Variants in GCC2 observed in about 807,000 individuals in gnomAD.
GCC2 encodes the protein GRIP and coiled-coil domain containing 2.
Under a neutral mutation model 210.6 loss-of-function variants are expected in GCC2, and 120 were observed. That is an observed-to-expected ratio of 0.57 (90% CI 0.49 to 0.66). The LOEUF (loss-of-function observed/expected upper bound fraction) is 0.66, where lower values mean the gene tolerates loss of function less well. Among genes scored for constraint, GCC2 ranks in the 30% least tolerant of loss-of-function variants. The probability of loss-of-function intolerance (pLI) is 0.00; values close to 1 mark genes in which losing one functional copy is unlikely to be tolerated. For synonymous variants in GCC2, 703 were observed against 652.7 expected (o/e 1.08, Z -1.17); for missense variants, 1,868 against 1,871.9 (o/e 1.00, Z 0.04).
chr2:108,473,031 C>A, intron 7 of GCC2, 132 bp downstream of exon 7: 2 of 546,690 alleles, frequency 3.7e-6, no homozygotes, highest in Non-Finnish European at 6.3e-6. Context: ...TTTCCTCGAG[C>A]TCACATTCTT....
At chr2:108,486,318 T>C (rs1268356091) in intron 15 of GCC2, 193 bp from the exon 16 acceptor site, 1 of 602,046 alleles carries the variant, frequency 1.7e-6, no homozygotes, top group East Asian at 3.0e-5. Context: ...TTGATGTTGG[T>C]TTAAGAAAAG....
intron 17 of GCC2, among the ~76,000 whole-genome samples, chr2:108,489,367 T>C (rs979230309): frequency 6.6e-6 from 1 of 152,068 alleles, no homozygotes; most frequent in African/African-American, 2.4e-5. Context: ...AATAAAAAAT[T>C]AGCTGAGCGT....
At position 108,492,706 on chromosome 2, in the gene GCC2, A is replaced by G. The variant is rs1682466681; in HGVS notation, c.4363A>G (p.Arg1455Gly). The G allele has an allele frequency of 6.2e-7, 1 of 1,614,006 alleles. No individual in the cohort carries two copies. The highest frequency in any genetic ancestry group is 1.3e-5 in the African/African-American group (1 of 74,940). ...DQVRHLQEEH[R>G]KTVETLQQQL... ...AGTGCGACATTTGCAGGAAGAACAC[A>G]GAAAGACAGTGGAGACATTACAGCA... Residue 1455 changes from arginine to glycine, a missense_variant, in exon 19 of 23, where the codon AGA becomes GGA. Coordinates refer to ENST00000309863, the MANE Select transcript of GCC2 (RefSeq NM_181453.4).
In GCC2 at chr2:108,471,467, C is replaced by T; in HGVS notation, c.2138C>T (p.Ser713Phe). ...QLSRDLEVFL[S>F]QKEDVILKEH... ...AGTAGGGATTTGGAGGTTTTTTTGT[C>T]TCAAAAAGAAGATGTTATCCTTAAA... is the stretch of plus-strand genomic sequence containing the variant. The change falls in exon 6 of 23, where the codon TCT becomes TTT. Residue 713 changes from serine (S) to phenylalanine (F), a missense_variant. Physicochemically the swap from Ser to Phe is radical, Grantham distance 155. This residue lies in a region of GCC2 where 1,847 missense variants were observed against 1,765.2 expected (regional missense o/e 1.05). Transcript: ENST00000309863. 6.2e-7 allele frequency: 1 copy of T among 1,608,656 alleles called. No individual in the cohort carries two copies. The highest frequency in any genetic ancestry group is 8.5e-7 in the Non-Finnish European group (1 of 1,178,390).
chr2:108,492,146 T>A (rs917979734), intron 18 of GCC2, among the ~76,000 whole-genome samples: 3 of 151,902 alleles, frequency 2.0e-5, no homozygotes, highest in Admixed American at 6.6e-5. Context: ...GTGGGGTTTT[T>A]TTTTTTTTTA....
In GCC2 at chr2:108,484,328, TCAC is replaced by T; in HGVS notation, c.3613+18_3613+20del. The T allele has an allele frequency of 7.3e-7, 1 of 1,371,412 alleles. No individual in the cohort carries two copies. Among genetic ancestry groups the T allele is most frequent in the Non-Finnish European group, 9.9e-7 (1 of 1,005,970 alleles). 85.0% of individuals were successfully genotyped at this position (1,371,412 alleles called of 1,614,324 possible). On this transcript the variant is annotated intron_variant, in intron 13 of 22. Coordinates refer to ENST00000309863, the MANE Select transcript of GCC2 (RefSeq NM_181453.4). ...AAGAAATAAGTGAGTTAAAGAAAAT[TCAC>T]TTTACTTTTTAATTATTTCATCATA...
chr2:108,470,583 T>G lies in GCC2; in HGVS notation c.1254T>G (p.Thr418=). ...LAGLNKQFCY[T]VEQHNREVQS... Reference sequence around the variant, plus strand: ...GTTTAAATAAACAGTTTTGCTATACTGTAGAACAGCATAACAGAGAAGTAC... The same window carrying G: ...GTTTAAATAAACAGTTTTGCTATACGGTAGAACAGCATAACAGAGAAGTAC... Residue 418 remains threonine (T), a synonymous_variant, in exon 6 of 23, where the codon ACT becomes ACG. Transcript: ENST00000309863. 6.2e-7 allele frequency: 1 copy of G among 1,610,866 alleles called. No homozygotes were observed. The highest frequency in any genetic ancestry group is 8.5e-7 in the Non-Finnish European group (1 of 1,178,196).
intron 7 of GCC2, among the ~76,000 whole-genome samples, chr2:108,473,543 A>G (rs1290931981): frequency 2.0e-5 from 3 of 152,186 alleles, no homozygotes; most frequent in Non-Finnish European, 4.4e-5. Flanking sequence ...TATCTTATCC[A>G]TTTATTCCTC....
chr2:108,500,662 T>C (rs1235304314), intron 22 of GCC2, among the ~76,000 whole-genome samples: 1 of 152,248 alleles, frequency 6.6e-6, no homozygotes, highest in Non-Finnish European at 1.5e-5. Context: ...TCTTAAGAAT[T>C]ATGGTTTCAT....
At chr2:108,456,464 A>G (rs540508095) in intron 4 of GCC2, among the ~76,000 whole-genome samples, 1 of 152,146 alleles carries the variant, frequency 6.6e-6, no homozygotes, top group East Asian at 1.9e-4. Context: ...TGAGTATTTT[A>G]TCATATACTT....
chr2:108,480,670 T>C (rs1283881330), intron 9 of GCC2, among the ~76,000 whole-genome samples: 2 of 152,166 alleles, frequency 1.3e-5, no homozygotes, highest in African/African-American at 4.8e-5. Context: ...AAATACCACA[T>C]GTTCTCACTT....
chr2:108,485,866 A>G lies in GCC2; in HGVS notation c.3750A>G (p.Lys1250=). The stretch of plus-strand genomic sequence containing the variant: ...ACTTAATACTTCAAGCATCTTTAAA[A>G]GGTGAGCTGGAGGCAAGCCAGCAGC... ...TDHLILQASL[K]GELEASQQQV... is the part of the protein sequence containing the mutation. The change falls in exon 15 of 23, where the codon AAA becomes AAG. Residue 1250 remains lysine (K), a synonymous_variant. Coordinates refer to ENST00000309863, the MANE Select transcript of GCC2 (RefSeq NM_181453.4). 6.3e-7 allele frequency: 1 copy of G among 1,593,128 alleles called. No individual in the cohort carries two copies. The highest frequency in any genetic ancestry group is 8.6e-7 in the Non-Finnish European group (1 of 1,168,512).
chr2:108,471,260 AGGT>A lies in GCC2; in HGVS notation c.1932_1934del (p.Val645del). The A allele has an allele frequency of 6.2e-7, 1 of 1,609,108 alleles. No individual in the cohort carries two copies. Among genetic ancestry groups the A allele is most frequent in the Non-Finnish European group, 8.5e-7 (1 of 1,178,490 alleles). The stretch of plus-strand genomic sequence containing the variant: ...CAGTACAACAGTGAACTAGAACAAA[AGGT>A]AAATGAATTAACAGGAGGACTAGAG... On this transcript the variant is annotated inframe_deletion, in exon 6 of 23. Transcript: ENST00000309863.
At chr2:108,481,056 CT>C (rs1681827701) in intron 9 of GCC2, among the ~76,000 whole-genome samples, 1 of 152,174 alleles carries the variant, frequency 6.6e-6, no homozygotes, top group African/African-American at 2.4e-5. Flanking sequence ...AGTCTCGAAA[CT>C]GAATCTCATT....
At chr2:108,484,945 G>T (rs1301457876) in intron 13 of GCC2, among the ~76,000 whole-genome samples, 2 of 151,150 alleles carry the variant, frequency 1.3e-5, no homozygotes, top group African/African-American at 4.9e-5. Context: ...TGATAGACTG[G>T]ATTAAGAAAA....
chr2:108,489,944 G>A lies in GCC2; in HGVS notation c.4159G>A (p.Asp1387Asn). The A allele has an allele frequency of 6.2e-7, 1 of 1,612,234 alleles. No homozygotes were observed. The highest frequency in any genetic ancestry group is 8.5e-7 in the Non-Finnish European group (1 of 1,179,250). ...SELQTLQSEHDTLLERHNKML... is the reference protein window; with the variant it reads ...SELQTLQSEHNTLLERHNKML... ...ACTTCAAACATTGCAGTCTGAACAT[G>A]ATACACTGCTAGAAAGGCACAACAA... The change falls in exon 18 of 23, where the codon GAT becomes AAT. Residue 1387 changes from aspartate to asparagine, a missense_variant. This residue lies in a region of GCC2 where 1,847 missense variants were observed against 1,765.2 expected (regional missense o/e 1.05). Transcript: ENST00000309863.
rs2378160 is a variant in GCC2, at chr2:108,508,828, G to A, written c.*1198G>A. 1 of 152,608 alleles carries A rather than the reference G, an allele frequency of 6.6e-6. No individual in the cohort carries two copies. Among genetic ancestry groups the A allele is most frequent in the African/African-American group, 2.4e-5 (1 of 41,440 alleles). The allele number at this position is 152,608 out of a possible 1,614,324, so 9.5% of individuals were successfully genotyped here. A position where few individuals can be genotyped will look rare whatever the true frequency, so the allele number is the denominator to read the frequency against. On this transcript the variant is annotated 3_prime_UTR_variant, in exon 23 of 23. Coordinates refer to ENST00000309863, the MANE Select transcript of GCC2 (RefSeq NM_181453.4). Reference sequence around the variant, plus strand: ...TCTTAAATCAAAAATTGGATAATTTGTAATATTTATGTGTTAATCACACAG... The same window carrying A: ...TCTTAAATCAAAAATTGGATAATTTATAATATTTATGTGTTAATCACACAG...
intron 9 of GCC2, among the ~76,000 whole-genome samples, chr2:108,479,862 A>G (rs1254282182): frequency 6.6e-6 from 1 of 151,506 alleles, no homozygotes; most frequent in Non-Finnish European, 1.5e-5. Flanking sequence ...CATGCCTGTA[A>G]TCCCAACTAC....
At chr2:108,464,606 A>T (rs542167425) in intron 4 of GCC2, among the ~76,000 whole-genome samples, 1 of 152,132 alleles carries the variant, frequency 6.6e-6, no homozygotes, top group Non-Finnish European at 1.5e-5. Context: ...CTTTCTGAGC[A>T]TTGGGGAATT....
Sources: allele counts gnomAD v4.1 joint callset (sites outside exome capture counted in the v4.1 genomes callset), GRCh38; gene constraint gnomAD v4.1.1; regional missense constraint gnomAD v4.1.1; transcripts MANE v1.5; gene names NCBI Gene and HGNC (gene_info 2026-07-23, HGNC 2026-07-21).